The following PCDHGB2 variants were observed in gnomAD, a reference collection of about 807,000 sequenced individuals.
PCDHGB2 encodes the protein protocadherin gamma-B2.
A neutral mutation model predicts 59.3 loss-of-function variants in PCDHGB2; 55 were observed. The observed-to-expected ratio is 0.93, with a 90% CI of 0.75 to 1.16. The LOEUF (loss-of-function observed/expected upper bound fraction) is 1.16, where lower values mean the gene tolerates loss of function less well. Among genes scored for constraint, PCDHGB2 ranks in the 50% most tolerant of loss-of-function variants. The probability of loss-of-function intolerance (pLI) is 0.00; values close to 1 mark genes in which losing one functional copy is unlikely to be tolerated. For missense variants in PCDHGB2, 1,228 were observed against 1,198.5 expected, an observed-to-expected ratio of 1.02 and a Z score of -0.36; for synonymous variants, 516 against 512.0, an observed-to-expected ratio of 1.01 and a Z score of -0.11.
intron 1 of PCDHGB2, among the ~76,000 whole-genome samples, chr5:141,450,223 G>A (rs1458841129): frequency 2.0e-5 from 3 of 151,818 alleles, no homozygotes; most frequent in Non-Finnish European, 4.4e-5. Context: ...TCACTATGTT[G>A]GCCAGGCTAG....
In PCDHGB2 at chr5:141,431,059, C is replaced by G. The variant is rs367774626; in HGVS notation, c.2422-63748C>G. ...GGGAGGAGCTCTGTATGGGGGCCAT[C>G]AAGTGTCAATTAAATCTAGACATTC... On this transcript the variant is annotated intron_variant, in intron 1 of 3. Coordinates refer to ENST00000522605, the MANE Select transcript of PCDHGB2 (RefSeq NM_018923.3). This position sits in a 1 kb window ranked among gnomAD's most constrained non-coding sequence, Gnocchi z 4.8. 1 of 1,614,136 alleles carries G rather than the reference C, an allele frequency of 6.2e-7. No individual in the cohort carries two copies.
chr5:141,440,451 A>G (rs2098179077), intron 1 of PCDHGB2: 1 of 152,230 alleles, frequency 6.6e-6, no homozygotes, highest in Non-Finnish European at 1.5e-5. Flanking sequence ...CATCTCAAAA[A>G]AAATGAACAA....
At position 141,422,169 on chromosome 5, in the gene PCDHGB2, A is replaced by G. The variant is rs1386896405; in HGVS notation, c.2421+59613A>G. 2.6e-6 allele frequency: 4 copies of G among 1,563,898 alleles called. No homozygotes were observed. In the South Asian group the frequency reaches 4.9e-5, roughly 19 times the overall value. On this transcript the variant is annotated intron_variant, in intron 1 of 3. Coordinates refer to ENST00000522605, the MANE Select transcript of PCDHGB2 (RefSeq NM_018923.3). ...GGTCTCTGGATTTTGAAAAATATAG[A>G]TTCTATGAGATGGAAATTCAAGGCC...
In PCDHGB2 at chr5:141,375,693, G is replaced by C. The variant is rs112671050; in HGVS notation, c.2421+13137G>C. 1,209 of 1,614,256 alleles carry C rather than the reference G, an allele frequency of 7.5e-4. 14 individuals carry two copies. In the African/African-American group the frequency reaches 0.015, roughly 20 times the overall value. On this transcript the variant is annotated intron_variant, in intron 1 of 3. Coordinates refer to ENST00000522605, the MANE Select transcript of PCDHGB2 (RefSeq NM_018923.3). ...CAGCTGTGGGTGACAGCCAGCGACA[G>C]CGGGGACCCGCCTCTTAGCAGCAAC... is the stretch of plus-strand genomic sequence containing the variant.
rs150123769 is a variant in PCDHGB2 at position 141,361,160 on chromosome 5, A to T, written c.1025A>T (p.Asp342Val). ...CAAGTTGAAATTCTTGATGACAACG[A>T]TTGTGCACCTGAAGTTATTGTGACT... The part of the protein sequence containing the change: ...SIQVEILDDN[D>V]CAPEVIVTSV... The change falls in exon 1 of 4, where the codon GAT (aspartate) becomes GTT (valine). Residue 342 changes from aspartate to valine, a missense_variant. This residue lies in a region of PCDHGB2 where 781 missense variants were observed against 721.6 expected (regional missense o/e 1.08). Coordinates refer to ENST00000522605, the MANE Select transcript of PCDHGB2 (RefSeq NM_018923.3). 21 of 1,613,952 alleles carry T rather than the reference A, an allele frequency of 1.3e-5. 1 individual carries two copies. In the African/African-American group the frequency reaches 2.3e-4, roughly 17 times the overall value.
In PCDHGB2 at chr5:141,491,354, C is replaced by T. The variant is rs2099710960; in HGVS notation, c.2422-3453C>T. The T allele has an allele frequency of 6.2e-7, 1 of 1,614,166 alleles. No homozygotes were observed. Among genetic ancestry groups the T allele is most frequent in the South Asian group, 1.1e-5 (1 of 91,088 alleles). On this transcript the variant is annotated intron_variant, in intron 1 of 3. Coordinates refer to ENST00000522605, the MANE Select transcript of PCDHGB2 (RefSeq NM_018923.3). This position sits in a 1 kb window ranked among gnomAD's most constrained non-coding sequence, Gnocchi z 6.9. ...GCTCTAGCGACCGTCAGTCTCTTAT[C>T]CCTAGTCACCTTCACCTTTCTGTCA...
At chr5:141,494,583 G>A (rs2099755431) in intron 1 of PCDHGB2, among the ~76,000 whole-genome samples, 1 of 152,152 alleles carries the variant, frequency 6.6e-6, no homozygotes, top group Non-Finnish European at 1.5e-5. Flanking sequence ...CTTGCTCACT[G>A]TGGTCAGATG....
chr5:141,397,953 C>A, intron 1 of PCDHGB2: 2 of 962,110 alleles, frequency 2.1e-6, no homozygotes. Flanking sequence ...CAGGGCAGCC[C>A]CAGCTCAGAC....
chr5:141,372,008 C>T, intron 1 of PCDHGB2: 3 of 1,613,290 alleles, frequency 1.9e-6, no homozygotes, highest in African/African-American at 1.3e-5. Flanking sequence ...GCGACCAGGG[C>T]TCGCCTACGC....
intron 1 of PCDHGB2, chr5:141,371,815 T>C (rs966835739): frequency 1.2e-6 from 2 of 1,613,738 alleles, no homozygotes; most frequent in Non-Finnish European, 1.7e-6. Context: ...ATTGCGCATG[T>C]CAGAGCCTCG....
intron 2 of PCDHGB2, among the ~76,000 whole-genome samples, chr5:141,502,200 C>T (rs553356132): frequency 6.6e-6 from 1 of 152,252 alleles, no homozygotes; most frequent in African/African-American, 2.4e-5. Flanking sequence ...AATATAGAAT[C>T]CACCAGCAGA....
rs2099416627 is a variant in PCDHGB2 at position 141,477,726 on chromosome 5, C to T, written c.2422-17081C>T. 6.2e-7 allele frequency: 1 copy of T among 1,613,822 alleles called. No homozygotes were observed. The highest frequency in any genetic ancestry group is 8.5e-7 in the Non-Finnish European group (1 of 1,180,020). ...GATCGGCGGGAATTTGAATTAACAG[C>T]TCATATCAGCGATGGGGGCACCCCG... On this transcript the variant is annotated intron_variant, in intron 1 of 3. Coordinates refer to ENST00000522605, the MANE Select transcript of PCDHGB2 (RefSeq NM_018923.3). This position sits in a 1 kb window ranked among gnomAD's most constrained non-coding sequence, Gnocchi z 4.9.
At position 141,486,182 on chromosome 5, in the gene PCDHGB2, C is replaced by G. The variant is rs1288782056; in HGVS notation, c.2422-8625C>G. On this transcript the variant is annotated intron_variant, in intron 1 of 3. Transcript: ENST00000522605. This position sits in a 1 kb window ranked among gnomAD's most constrained non-coding sequence, Gnocchi z 5.0. ...AGCCATGGAGCAACATTGCAGCCTT[C>G]GAGTGGATCTGCTGGACGTAAATGA... 1 of 1,614,198 alleles carries G rather than the reference C, an allele frequency of 6.2e-7. No individual in the cohort carries two copies. Among genetic ancestry groups the G allele is most frequent in the Non-Finnish European group, 8.5e-7 (1 of 1,180,028 alleles).
Position 141,489,454 on chromosome 5 carries a change from G to C in PCDHGB2, c.2422-5353G>C, listed in dbSNP as rs1177748773. 1 of 1,613,940 alleles carries C rather than the reference G, an allele frequency of 6.2e-7. No homozygotes were observed. The highest frequency in any genetic ancestry group is 1.3e-5 in the African/African-American group (1 of 74,906). On this transcript the variant is annotated intron_variant, in intron 1 of 3. Transcript: ENST00000522605. This position sits in a 1 kb window ranked among gnomAD's most constrained non-coding sequence, Gnocchi z 4.5. ...GCTGCAATTGGGCTCTGAGGAGAAT[G>C]GGCGCTATTTTTCCCTGAGCTTGAT...
rs138608867 is a variant in PCDHGB2 at position 141,477,655 on chromosome 5, T to C, written c.2422-17152T>C. 5.0e-3 allele frequency: 8,034 copies of C among 1,614,186 alleles called. 44 individuals carry two copies. The highest frequency in any genetic ancestry group is 9.4e-3 in the Admixed American group (567 of 60,020). On this transcript the variant is annotated intron_variant, in intron 1 of 3. Coordinates refer to ENST00000522605, the MANE Select transcript of PCDHGB2 (RefSeq NM_018923.3). The surrounding 1 kb of genome is among the most constrained non-coding windows in gnomAD (Gnocchi z 4.9). ...TAGTGGGTCGCTATTTCACAATAAA[T>C]CGTGACAATGGCATAGTGTCATCCT...
intron 1 of PCDHGB2, among the ~76,000 whole-genome samples, chr5:141,480,106 A>C (rs1466691134): frequency 6.6e-6 from 1 of 152,196 alleles, no homozygotes; most frequent in Non-Finnish European, 1.5e-5. Context: ...AGTGTTTAGC[A>C]TGGTGCCTGG....
chr5:141,403,553 G>T, intron 1 of PCDHGB2: 6 of 1,613,980 alleles, frequency 3.7e-6, no homozygotes, highest in Non-Finnish European at 5.1e-6. Flanking sequence ...GCGCGCCCTG[G>T]ACAGGGAGGA....
intron 1 of PCDHGB2, 41 bp from the exon 2 acceptor site, chr5:141,494,766 C>T (rs1017994327): frequency 6.2e-7 from 1 of 1,614,038 alleles, no homozygotes; most frequent in Non-Finnish European, 8.5e-7. Flanking sequence ...ATTCTAACTT[C>T]TCACGGGTAC....
chr5:141,393,272 A>G, intron 1 of PCDHGB2: 1 of 1,613,892 alleles, frequency 6.2e-7, no homozygotes, highest in Non-Finnish European at 8.5e-7. Context: ...CACGTTATCC[A>G]CTCCCAGAAG....
Sources: gnomAD v4.1 joint callset for allele counts (sites outside exome capture counted in the v4.1 genomes callset) on GRCh38, gnomAD v4.1.1 for gene constraint, gnomAD v4.1.1 regional missense constraint, Gnocchi (gnomAD v3.1) non-coding constraint, MANE v1.5 for transcripts, NCBI Gene and HGNC (gene_info 2026-07-23, HGNC 2026-07-21) for gene names.